Variants in SLC22A9 observed in about 807,000 individuals in gnomAD.
The protein encoded by SLC22A9 is organic anion transporter 7.
In SLC22A9, 64 loss-of-function variants were observed where a neutral mutation model predicts 50.1. The ratio of observed to expected loss-of-function variants is 1.28; its 90% CI spans 1.04 to 1.57. SLC22A9 has a LOEUF of 1.57. Ranked by LOEUF, SLC22A9 falls within the 40% of genes most tolerant of loss-of-function variation. SLC22A9 has a pLI of 0.00. For missense variants in SLC22A9, 757 were observed against 676.1 expected (o/e 1.12, Z -1.33); for synonymous variants, 261 against 242.5 (o/e 1.08, Z -0.71).
At chr11:63,374,896 T>C (rs1019971915) in intron 4 of SLC22A9, among the ~76,000 whole-genome samples, 3 of 152,184 alleles carry the variant, frequency 2.0e-5, no homozygotes, top group African/African-American at 2.4e-5. Context: ...ATAATTTACC[T>C]CATTTGTCAG....
intron 5 of SLC22A9, among the ~76,000 whole-genome samples, chr11:63,377,515 A>G (rs2014485099): frequency 6.6e-6 from 1 of 152,152 alleles, no homozygotes; most frequent in African/African-American, 2.4e-5. Context: ...AGTGAAAACA[A>G]AGATATAACA....
chr11:63,372,540 G>C (rs1321531505), intron 2 of SLC22A9, among the ~76,000 whole-genome samples: 3 of 152,082 alleles, frequency 2.0e-5, no homozygotes, highest in Non-Finnish European at 4.4e-5. Flanking sequence ...ATTATGATGT[G>C]AGAAAAGGGA....
chr11:63,376,116 A>G (rs1195700250), intron 5 of SLC22A9, among the ~76,000 whole-genome samples: 1 of 152,134 alleles, frequency 6.6e-6, no homozygotes, highest in Non-Finnish European at 1.5e-5. Context: ...GGTCTCTTTC[A>G]GGGTAGTAAA....
intron 6 of SLC22A9, among the ~76,000 whole-genome samples, chr11:63,397,372 C>T (rs1012942123): frequency 1.3e-5 from 2 of 152,050 alleles, no homozygotes; most frequent in Non-Finnish European, 2.9e-5. Flanking sequence ...CCATAGTAAT[C>T]ACTGCCTGGC....
chr11:63,406,810 A>C, intron 7 of SLC22A9, 99 bp downstream of exon 7: 1 of 1,328,304 alleles, frequency 7.5e-7, no homozygotes. Context: ...GAAAGGGAGA[A>C]TTGGGTTCTT....
In SLC22A9 at chr11:63,380,784, T is replaced by C. The variant is rs561734764; in HGVS notation, c.955-1375T>C. Among the ~76,000 whole-genome samples the C allele has an allele frequency of 1.1e-4, 16 of 152,158 alleles. No homozygotes were observed. In the South Asian group the frequency reaches 2.9e-3, roughly 28 times the overall value. On this transcript the variant is annotated intron_variant, in intron 5 of 9. Coordinates refer to ENST00000279178, the MANE Select transcript of SLC22A9 (RefSeq NM_080866.3). Reference sequence around the variant, plus strand: ...GCTTATTAACTTGGTGATGAAATCATCTACACACCAAACCCCCATGAAACA... The same window carrying C: ...GCTTATTAACTTGGTGATGAAATCACCTACACACCAAACCCCCATGAAACA...
At position 63,383,238 on chromosome 11, in the gene SLC22A9, G is replaced by T. The variant is rs114628103; in HGVS notation, c.1073+961G>T. Among the ~76,000 whole-genome samples the T allele has an allele frequency of 2.2e-3, 340 of 152,250 alleles. 1 individual carries two copies. Among genetic ancestry groups the T allele is most frequent in the African/African-American group, 7.3e-3 (304 of 41,544 alleles). ...GTCCAACATTCTAATTTTTCAGGGA[G>T]ATGCCCAAGAAATGTGTTTTTGTCT... On this transcript the variant is annotated intron_variant, in intron 6 of 9. Coordinates refer to ENST00000279178, the MANE Select transcript of SLC22A9 (RefSeq NM_080866.3).
intron 6 of SLC22A9, among the ~76,000 whole-genome samples, chr11:63,399,404 G>A (rs2014917105): frequency 6.6e-6 from 1 of 152,202 alleles, no homozygotes. Flanking sequence ...AGCTGCTATG[G>A]TGATATCCAA....
chr11:63,382,511 C>T (rs907035932), intron 6 of SLC22A9, among the ~76,000 whole-genome samples: 11 of 152,200 alleles, frequency 7.2e-5, no homozygotes, highest in African/African-American at 2.7e-4. Context: ...CTTCACTGGA[C>T]ACCAACGCAG....
chr11:63,380,136 G>C (rs1216650905), intron 5 of SLC22A9, among the ~76,000 whole-genome samples: 1 of 152,066 alleles, frequency 6.6e-6, no homozygotes, highest in Non-Finnish European at 1.5e-5. Flanking sequence ...ACCACGATAA[G>C]ATACCATCTC....
rs76216222 is a variant in SLC22A9, at chr11:63,383,621, A to G, written c.1073+1344A>G. On this transcript the variant is annotated intron_variant, in intron 6 of 9. Transcript: ENST00000279178. ...ACACCAATGCAAAGCTTCAAAGAAC[A>G]TGAAGAAACAGAGAAACATGACTCA... Among the ~76,000 whole-genome samples, 935 of 152,310 alleles carry G rather than the reference A, an allele frequency of 6.1e-3. 10 individuals are homozygous for G. Among genetic ancestry groups the G allele is most frequent in the African/African-American group, 0.021 (855 of 41,566 alleles).
At chr11:63,395,829 G>T (rs140156522) in intron 6 of SLC22A9, among the ~76,000 whole-genome samples, 1 of 152,096 alleles carries the variant, frequency 6.6e-6, no homozygotes, top group Non-Finnish European at 1.5e-5. Flanking sequence ...TCAGGTGGGG[G>T]CAGGACTAGG....
chr11:63,393,123 G>A (rs2014793269), intron 6 of SLC22A9, among the ~76,000 whole-genome samples: 1 of 152,138 alleles, frequency 6.6e-6, no homozygotes, highest in African/African-American at 2.4e-5. Context: ...CCATTAACAT[G>A]GGATGTGTTT....
chr11:63,406,223 A>G (rs1468330391), intron 6 of SLC22A9, among the ~76,000 whole-genome samples: 2 of 152,218 alleles, frequency 1.3e-5, no homozygotes, highest in Non-Finnish European at 2.9e-5. Flanking sequence ...ATCCTGCTTC[A>G]TAAGACACAG....
At position 63,382,277 on chromosome 11, in the gene SLC22A9, G is replaced by C. The variant is rs1307930355; in HGVS notation, c.1073G>C (p.Arg358Thr). 6.2e-7 allele frequency: 1 copy of C among 1,600,654 alleles called. No homozygotes were observed. The highest frequency in any genetic ancestry group is 8.5e-7 in the Non-Finnish European group (1 of 1,174,582). The change falls in exon 6 of 10, where the codon AGA (arginine) becomes ACA (threonine). Residue 358 changes from arginine (R) to threonine (T), a missense_variant and splice_region_variant. Arg to Thr is a moderately conservative substitution (Grantham distance 71, BLOSUM62 -1). Transcript: ENST00000279178. Reference protein sequence around the residue: ...CKRISLLSFTRFANFMAYFGL... With the variant: ...CKRISLLSFTTFANFMAYFGL... ...AGGATCTCCCTCCTGTCCTTTACGA[G>C]GTAAGCTTCATGCAGTGTTTGAGGG...
intron 6 of SLC22A9, among the ~76,000 whole-genome samples, chr11:63,401,766 A>T (rs1309814979): frequency 1.3e-5 from 2 of 152,026 alleles, no homozygotes; most frequent in African/African-American, 4.8e-5. Context: ...CCTCACCAGC[A>T]TGTTGATTTT....
At chr11:63,392,468 G>C (rs2014781070) in intron 6 of SLC22A9, among the ~76,000 whole-genome samples, 1 of 151,838 alleles carries the variant, frequency 6.6e-6, no homozygotes, top group South Asian at 2.1e-4. Context: ...CATGTTTGAG[G>C]CTATTTTTTG....
At chr11:63,375,585 A>T in intron 4 of SLC22A9, 60 bp from the exon 5 acceptor site, 1 of 1,579,006 alleles carries the variant, frequency 6.3e-7, no homozygotes, top group Non-Finnish European at 8.6e-7. Flanking sequence ...TTAAGAAAAA[A>T]CTAATGTAAG....
At position 63,370,134 on chromosome 11, in the gene SLC22A9, C is replaced by A. The variant is rs1341046392; in HGVS notation, c.78C>A (p.Ile26=). 6.2e-7 allele frequency: 1 copy of A among 1,614,040 alleles called. No homozygotes were observed. The highest frequency in any genetic ancestry group is 8.5e-7 in the Non-Finnish European group (1 of 1,179,928). The change falls in exon 1 of 10, where the codon ATC becomes ATA. Residue 26 remains isoleucine, a synonymous_variant. Transcript: ENST00000279178. ...TCCTTCAGACTGTTTTTCTCTCAAT[C>A]TTTGCTGTTGCTACATACCTTCATT... ...FQILQTVFLS[I]FAVATYLHFM...
Sources: gnomAD v4.1 joint callset for allele counts (sites outside exome capture counted in the v4.1 genomes callset) on GRCh38, gnomAD v4.1.1 for gene constraint, MANE v1.5 for transcripts, NCBI Gene and HGNC (gene_info 2026-07-23, HGNC 2026-07-21) for gene names.